The following MAML2 variants were observed in gnomAD, a reference collection of about 807,000 sequenced individuals.
MAML2 encodes mastermind-like protein 2.
MAML2 carries 22 observed loss-of-function variants against 96.1 expected under a neutral mutation model. The ratio of observed to expected loss-of-function variants is 0.23; its 90% confidence interval spans 0.16 to 0.33. The LOEUF (loss-of-function observed/expected upper bound fraction) is 0.33, where lower values mean the gene tolerates loss of function less well. Among genes scored for constraint, MAML2 ranks in the 10% least tolerant of loss-of-function variants. MAML2 has a pLI of 1.00. For missense variants in MAML2, 1,367 were observed against 1,392.4 expected (o/e 0.98, Z 0.29); for synonymous variants, 561 against 521.3 (o/e 1.08, Z -1.04).
chr11:96,215,898 C>T (rs1227829692), intron 1 of MAML2, among the ~76,000 whole-genome samples: 1 of 152,146 alleles, frequency 6.6e-6, no homozygotes, highest in Non-Finnish European at 1.5e-5. Context: ...ATGAGAATGT[C>T]TTTCTAGCTT....
intron 2 of MAML2, among the ~76,000 whole-genome samples, chr11:96,039,927 C>A (rs1403949842): frequency 6.7e-6 from 1 of 148,574 alleles, no homozygotes; most frequent in Non-Finnish European, 1.5e-5. Flanking sequence ...CACTGCACTC[C>A]AGCCTGAGCG....
At chr11:96,154,282 G>A (rs758894831) in intron 1 of MAML2, among the ~76,000 whole-genome samples, 2 of 152,096 alleles carry the variant, frequency 1.3e-5, no homozygotes, top group Non-Finnish European at 2.9e-5. Flanking sequence ...CTACTCTGGG[G>A]ACAAAACTTT....
chr11:96,201,507 A>G (rs1410878119), intron 1 of MAML2, among the ~76,000 whole-genome samples: 1 of 152,254 alleles, frequency 6.6e-6, no homozygotes, highest in Non-Finnish European at 1.5e-5. Context: ...AATGGCTTAT[A>G]TCAAGGACCT....
At chr11:96,067,297 C>G (rs1409681864) in intron 2 of MAML2, among the ~76,000 whole-genome samples, 1 of 152,212 alleles carries the variant, frequency 6.6e-6, no homozygotes, top group African/African-American at 2.4e-5. Flanking sequence ...TGTAGCCTGA[C>G]ACTCTTTTAA....
intron 2 of MAML2, among the ~76,000 whole-genome samples, chr11:96,076,984 C>A (rs1565206966): frequency 6.6e-6 from 1 of 152,006 alleles, no homozygotes; most frequent in South Asian, 2.1e-4. Flanking sequence ...GGCCCTCCAA[C>A]CCTTCCCCAC....
intron 2 of MAML2, among the ~76,000 whole-genome samples, chr11:96,036,525 T>C (rs1201238125): frequency 6.6e-6 from 1 of 152,250 alleles, no homozygotes; most frequent in East Asian, 1.9e-4. Flanking sequence ...AAAAAGCACT[T>C]GGTGTGAAAA....
intron 2 of MAML2, among the ~76,000 whole-genome samples, chr11:96,048,446 T>A (rs1858940698): frequency 6.6e-6 from 1 of 152,238 alleles, no homozygotes; most frequent in South Asian, 2.1e-4. Context: ...ACTCTGAATT[T>A]TTTTATACAA....
intron 1 of MAML2, among the ~76,000 whole-genome samples, chr11:96,274,665 A>G (rs1003037816): frequency 3.9e-5 from 6 of 152,192 alleles, no homozygotes; most frequent in South Asian, 2.1e-4. Context: ...AAGGCTAGCA[A>G]TGTGGAATTG....
At chr11:96,029,354 T>A (rs1386783464) in intron 2 of MAML2, among the ~76,000 whole-genome samples, 1 of 152,118 alleles carries the variant, frequency 6.6e-6, no homozygotes, top group Non-Finnish European at 1.5e-5. Context: ...ATCGTAAAAA[T>A]GTAAAATCTC....
At chr11:96,191,726 C>G (rs1274398930) in intron 1 of MAML2, among the ~76,000 whole-genome samples, 3 of 143,504 alleles carry the variant, frequency 2.1e-5, no homozygotes, top group Non-Finnish European at 3.0e-5. Context: ...GAGCCGAGAT[C>G]ACACCACTAC....
At chr11:96,335,744 T>G (rs1395876848) in intron 1 of MAML2, among the ~76,000 whole-genome samples, 1 of 152,216 alleles carries the variant, frequency 6.6e-6, no homozygotes, top group Admixed American at 6.5e-5. Flanking sequence ...TTTCCAGGGC[T>G]TCTGATTTGC....
chr11:96,287,870 T>A (rs938718958), intron 1 of MAML2, among the ~76,000 whole-genome samples: 1 of 152,222 alleles, frequency 6.6e-6, no homozygotes, highest in African/African-American at 2.4e-5. Flanking sequence ...TTCATTTTAA[T>A]ACTAACTCAT....
intron 1 of MAML2, among the ~76,000 whole-genome samples, chr11:96,184,080 C>A (rs1052072561): frequency 1.8e-4 from 27 of 150,972 alleles, no homozygotes; most frequent in African/African-American, 6.5e-4. Context: ...GAGGATGGTA[C>A]TCCCGGGCAG....
intron 2 of MAML2, among the ~76,000 whole-genome samples, chr11:96,000,680 G>A (rs1315614522): frequency 6.6e-6 from 1 of 152,096 alleles, no homozygotes; most frequent in African/African-American, 2.4e-5. Context: ...ATTACACACA[G>A]CAGGAACTAA....
At chr11:96,006,229 C>G (rs1263463620) in intron 2 of MAML2, among the ~76,000 whole-genome samples, 1 of 152,108 alleles carries the variant, frequency 6.6e-6, no homozygotes, top group Non-Finnish European at 1.5e-5. Flanking sequence ...GGATGAACTT[C>G]AAAAGATTAG....
chr11:96,163,989 A>T (rs1442563660), intron 1 of MAML2, among the ~76,000 whole-genome samples: 1 of 150,598 alleles, frequency 6.6e-6, no homozygotes, highest in African/African-American at 2.5e-5. Flanking sequence ...CAGCCTCCTG[A>T]GTAGCTGGGA....
intron 1 of MAML2, among the ~76,000 whole-genome samples, chr11:96,161,444 T>C (rs1302999627): frequency 6.6e-6 from 1 of 152,234 alleles, no homozygotes; most frequent in Non-Finnish European, 1.5e-5. Flanking sequence ...GTTCATTTTT[T>C]ACCCTGTAAA....
intron 1 of MAML2, among the ~76,000 whole-genome samples, chr11:96,104,857 G>A (rs1325790540): frequency 6.6e-6 from 1 of 152,018 alleles, no homozygotes; most frequent in African/African-American, 2.4e-5. Context: ...GGGGGAGGGA[G>A]AAAAATATCC....
rs568108849 is a variant in MAML2, at chr11:96,283,381, C to T, written c.513+58002G>A. 3.5e-4 allele frequency among the ~76,000 whole-genome samples: 54 copies of T among 152,256 alleles called. No individual in the cohort carries two copies. In the South Asian group the frequency reaches 0.011, roughly 30 times the overall value. On this transcript the variant is annotated intron_variant, in intron 1 of 4. Coordinates refer to ENST00000524717, the MANE Select transcript of MAML2 (RefSeq NM_032427.4). ...GTGAGTTTAATACTGTTTTCTACAA[C>T]GTTTATTAGAACACTTGACATGGGA...
Sources: allele counts gnomAD v4.1 joint callset (sites outside exome capture counted in the v4.1 genomes callset), GRCh38; gene constraint gnomAD v4.1.1; transcripts MANE v1.5; gene names NCBI Gene and HGNC (gene_info 2026-07-23, HGNC 2026-07-21).